Variants in ASH1L observed in about 807,000 individuals in gnomAD.
ASH1L encodes the protein histone-lysine N-methyltransferase ASH1L.
In ASH1L, 23 loss-of-function variants were observed where a neutral mutation model predicts 269.0. The ratio of observed to expected loss-of-function variants is 0.09; its 90% confidence interval spans 0.06 to 0.12. The LOEUF (loss-of-function observed/expected upper bound fraction) is 0.12, where lower values mean the gene tolerates loss of function less well. Among genes scored for constraint, ASH1L ranks in the 10% least tolerant of loss-of-function variants. The pLI is 1.00. For synonymous variants in ASH1L, 1,187 were observed against 1,253.5 expected, an observed-to-expected ratio of 0.95 and a Z score of 1.12; for missense variants, 2,912 against 3,567.8, an observed-to-expected ratio of 0.82 and a Z score of 4.68.
intron 2 of ASH1L, among the ~76,000 whole-genome samples, chr1:155,496,307 T>C (rs1264981078): frequency 5.3e-5 from 8 of 152,242 alleles, no homozygotes; most frequent in Non-Finnish European, 8.8e-5. Context: ...AGCTCCATTA[T>C]ACTCTTATGG....
At chr1:155,416,575 G>C (rs905313601) in intron 5 of ASH1L, among the ~76,000 whole-genome samples, 5 of 148,266 alleles carry the variant, frequency 3.4e-5, no homozygotes, top group African/African-American at 1.2e-4. Context: ...TCGCTCTGTT[G>C]CCCAGGCTGG....
chr1:155,529,917 T>C (rs182781660), intron 1 of ASH1L, among the ~76,000 whole-genome samples: 153 of 151,778 alleles, frequency 1.0e-3, no homozygotes, highest in Non-Finnish European at 1.7e-3. Context: ...TGAGCCGAGA[T>C]TGCGCCACTG....
rs549676412 is a variant in ASH1L at position 155,496,817 on chromosome 1, A to T, written c.421-14368T>A. On this transcript the variant is annotated intron_variant, in intron 2 of 27. Coordinates refer to ENST00000392403, the MANE Select transcript of ASH1L (RefSeq NM_018489.3). ...TCACGCTTGGCTATTTTTTTTTTTTAATTTTTGTAGAGAGGTGGGGGTCTC... is the reference window on the plus strand; with the variant it reads ...TCACGCTTGGCTATTTTTTTTTTTTTATTTTTGTAGAGAGGTGGGGGTCTC... Among the ~76,000 whole-genome samples, 487 of 149,438 alleles carry T rather than the reference A, an allele frequency of 3.3e-3. 3 individuals carry two copies. The highest frequency in any genetic ancestry group is 0.011 in the African/African-American group (445 of 40,700).
In ASH1L at chr1:155,343,206, C is replaced by G. The variant is rs1368349314; in HGVS notation, c.8293+108G>C. On this transcript the variant is annotated intron_variant, in intron 24 of 27. Coordinates refer to ENST00000392403, the MANE Select transcript of ASH1L (RefSeq NM_018489.3). The surrounding 1 kb of genome is among the most constrained non-coding windows in gnomAD (Gnocchi z 6.1). ...ACGTTGGCCAGGCTGGTCTCACACT[C>G]CTGGGCTTAAGCAATCTGCCTGCCT... 1 of 1,297,848 alleles carries G rather than the reference C, an allele frequency of 7.7e-7. No individual in the cohort carries two copies. Among genetic ancestry groups the G allele is most frequent in the East Asian group, 2.3e-5 (1 of 42,914 alleles). 80.4% of individuals were successfully genotyped at this position (1,297,848 alleles called of 1,614,324 possible).
At chr1:155,545,500 G>A (rs1181850686) in intron 1 of ASH1L, among the ~76,000 whole-genome samples, 1 of 151,342 alleles carries the variant, frequency 6.6e-6, no homozygotes, top group Non-Finnish European at 1.5e-5. Flanking sequence ...CTATTTCTTA[G>A]TTAAAAGCAA....
chr1:155,356,920 C>G (rs900550135), intron 15 of ASH1L, among the ~76,000 whole-genome samples: 17 of 139,804 alleles, frequency 1.2e-4, no homozygotes, highest in African/African-American at 3.7e-4. Context: ...GAGACCTTGT[C>G]TCTACAAAAA....
Position 155,481,697 on chromosome 1 carries a change from A to G in ASH1L, c.1173T>C (p.Ile391=). 1 of 1,614,152 alleles carries G rather than the reference A, an allele frequency of 6.2e-7. No individual in the cohort carries two copies. The highest frequency in any genetic ancestry group is 1.3e-5 in the African/African-American group (1 of 75,052). The change falls in exon 3 of 28, where the codon ATT becomes ATC. Residue 391 remains isoleucine, a synonymous_variant. Coordinates refer to ENST00000392403, the MANE Select transcript of ASH1L (RefSeq NM_018489.3). ...CCAATCCCATTGCTGAACTTGCTAC[A>G]ATCTTCTTTGCACAGTCCTTGGCCA... ...GLVAKDCAKK[I]VASSAMGLVN...
At chr1:155,370,248 A>G (rs543148053) in intron 12 of ASH1L, 8 of 499,882 alleles carry the variant, frequency 1.6e-5, no homozygotes, top group Non-Finnish European at 2.5e-5. Context: ...AGATCCTGAA[A>G]CTACTTGCAT....
Position 155,354,652 on chromosome 1 carries a change from C to T in ASH1L, c.7056-22G>A. On this transcript the variant is annotated intron_variant, in intron 15 of 27. Transcript: ENST00000392403. Reference sequence around the variant, plus strand: ...GTTCCTGCAAGGAAGGAAAAAAAATCTTCCTTTATTCATTAATTAAATAAG... The same window carrying T: ...GTTCCTGCAAGGAAGGAAAAAAAATTTTCCTTTATTCATTAATTAAATAAG... The T allele has an allele frequency of 2.5e-6, 4 of 1,602,338 alleles. No homozygotes were observed. The South Asian group carries it at 4.5e-5, about 18-fold the overall frequency.
intron 5 of ASH1L, among the ~76,000 whole-genome samples, chr1:155,424,086 CA>C (rs1660940907): frequency 6.6e-6 from 1 of 152,164 alleles, no homozygotes; most frequent in Non-Finnish European, 1.5e-5. Context: ...ACATATCAAG[CA>C]GTTCAACTTT....
At chr1:155,535,315 A>T (rs1669978609) in intron 1 of ASH1L, among the ~76,000 whole-genome samples, 1 of 151,760 alleles carries the variant, frequency 6.6e-6, no homozygotes, top group Admixed American at 6.6e-5. Context: ...CTGCAGCCTC[A>T]AACTCTGGAG....
At chr1:155,551,516 C>T (rs1017496545) in intron 1 of ASH1L, among the ~76,000 whole-genome samples, 7 of 149,602 alleles carry the variant, frequency 4.7e-5, no homozygotes, top group Admixed American at 2.0e-4. Context: ...AAAAATTAGC[C>T]GGGCGTAGTG....
At chr1:155,535,190 A>T (rs2148876819) in intron 1 of ASH1L, among the ~76,000 whole-genome samples, 1 of 144,394 alleles carries the variant, frequency 6.9e-6, no homozygotes, top group Non-Finnish European at 1.5e-5. Context: ...ACTCCATTTA[A>T]AAAAAAAAAA....
chr1:155,357,890 C>T, intron 13 of ASH1L, 141 bp from the exon 14 acceptor site: 1 of 748,606 alleles, frequency 1.3e-6, no homozygotes, highest in Non-Finnish European at 2.1e-6. Flanking sequence ...CCTATCTCAG[C>T]CTCCCCAGTA....
chr1:155,362,891 T>A (rs1655087977), intron 12 of ASH1L, among the ~76,000 whole-genome samples: 1 of 152,238 alleles, frequency 6.6e-6, no homozygotes, highest in African/African-American at 2.4e-5. Flanking sequence ...AGGGTTAGCT[T>A]AGATACTGCC....
chr1:155,549,181 A>G (rs753159180), intron 1 of ASH1L, among the ~76,000 whole-genome samples: 8 of 152,144 alleles, frequency 5.3e-5, no homozygotes, highest in Non-Finnish European at 1.2e-4. Context: ...TCTCTCTACA[A>G]AAACCAAAAA....
chr1:155,396,564 C>T (rs1201016678), intron 6 of ASH1L, among the ~76,000 whole-genome samples: 1 of 151,930 alleles, frequency 6.6e-6, no homozygotes, highest in Middle Eastern at 3.2e-3. Context: ...ATGCATCCGC[C>T]TCAGCCAAAG....
chr1:155,479,863 A>C lies in ASH1L; in HGVS notation c.3007T>G (p.Ser1003Ala). 6.2e-7 allele frequency: 1 copy of C among 1,613,510 alleles called. No homozygotes were observed. Among genetic ancestry groups the C allele is most frequent in the East Asian group, 2.2e-5 (1 of 44,890 alleles). Residue 1003 changes from serine to alanine, a missense_variant, in exon 3 of 28, where the codon TCA (serine) becomes GCA (alanine). Physicochemically the swap from Ser to Ala is moderately conservative, Grantham distance 99. Around this residue, in one of 13 missense-constraint regions of ASH1L, gnomAD observed 715 missense variants for 721.0 expected, o/e 0.99. Coordinates refer to ENST00000392403, the MANE Select transcript of ASH1L (RefSeq NM_018489.3). The part of the protein sequence containing the change: ...KRKKLLNQIL[S>A]SSVESSNKGK... ...TTATTACTTGATTCTACAGAACTTGAAAGAATCTGATTCAACAGTTTCTTT... is the reference window on the plus strand; with the variant it reads ...TTATTACTTGATTCTACAGAACTTGCAAGAATCTGATTCAACAGTTTCTTT...
intron 3 of ASH1L, among the ~76,000 whole-genome samples, chr1:155,473,356 T>C (rs1161336354): frequency 3.9e-5 from 6 of 152,242 alleles, no homozygotes; most frequent in Non-Finnish European, 5.9e-5. Flanking sequence ...CAGCTATGTC[T>C]GGCATTGCTA....
Sources: allele counts gnomAD v4.1 joint callset (sites outside exome capture counted in the v4.1 genomes callset), GRCh38; gene constraint gnomAD v4.1.1; regional missense constraint gnomAD v4.1.1; non-coding constraint Gnocchi (gnomAD v3.1); transcripts MANE v1.5; gene names NCBI Gene and HGNC (gene_info 2026-07-23, HGNC 2026-07-21).